PRUNE2: variants seen among roughly 807,000 people sequenced by gnomAD.
The protein encoded by PRUNE2 is prune homolog 2 with BCH domain, also known as protein prune homolog 2.
In PRUNE2, 164 loss-of-function variants were observed where a neutral mutation model predicts 252.0. The observed-to-expected ratio is 0.65, with a 90% CI of 0.57 to 0.74. PRUNE2 has a LOEUF of 0.74. Among genes scored for constraint, PRUNE2 ranks in the 30% least tolerant of loss-of-function variants. The pLI, the probability that PRUNE2 is intolerant of heterozygous loss-of-function variation, is 0.00. For missense variants in PRUNE2, 3,495 were observed against 3,711.0 expected, an observed-to-expected ratio of 0.94 and a Z score of 1.51; for synonymous variants, 1,292 against 1,350.2, an observed-to-expected ratio of 0.96 and a Z score of 0.94.
chr9:76,633,677 G>A (rs1003567251), intron 15 of PRUNE2, among the ~76,000 whole-genome samples: 9 of 152,224 alleles, frequency 5.9e-5, no homozygotes, highest in Admixed American at 5.9e-4. Flanking sequence ...TTGAGTAGCT[G>A]TAACTGAAAT....
At chr9:76,801,316 A>G (rs2056536978) in intron 6 of PRUNE2, among the ~76,000 whole-genome samples, 1 of 152,224 alleles carries the variant, frequency 6.6e-6, no homozygotes, top group Admixed American at 6.5e-5. Context: ...TTAGAAGAAT[A>G]TATTTATACC....
intron 1 of PRUNE2, among the ~76,000 whole-genome samples, chr9:76,901,268 G>C (rs1455182051): frequency 6.6e-6 from 1 of 152,200 alleles, no homozygotes; most frequent in Non-Finnish European, 1.5e-5. Context: ...CCCTAAGCAA[G>C]GGGTATCACA....
chr9:76,790,766 G>C (rs1323252529), intron 6 of PRUNE2, among the ~76,000 whole-genome samples: 1 of 152,166 alleles, frequency 6.6e-6, no homozygotes, highest in Non-Finnish European at 1.5e-5. Flanking sequence ...ATATCAGATT[G>C]AGACACACAA....
intron 9 of PRUNE2, among the ~76,000 whole-genome samples, chr9:76,663,100 C>T (rs2039433861): frequency 1.3e-5 from 2 of 152,190 alleles, no homozygotes; most frequent in South Asian, 4.1e-4. Context: ...CCACAGAGTA[C>T]TTATCAAATT....
At chr9:76,897,246 A>G (rs2133637145) in intron 1 of PRUNE2, among the ~76,000 whole-genome samples, 1 of 152,236 alleles carries the variant, frequency 6.6e-6, no homozygotes, top group African/African-American at 2.4e-5. Context: ...TTCACTTTTA[A>G]TTTAACAAGA....
rs991757211 is a variant in PRUNE2 at position 76,865,611 on chromosome 9, T to A, written c.37-11403A>T. On this transcript the variant is annotated intron_variant, in intron 1 of 18. Coordinates refer to ENST00000376718, the MANE Select transcript of PRUNE2 (RefSeq NM_015225.3). ...TCAGTGAAAATGATAATATCGGATA[T>A]AATAGTTGGGCAGAAGATAATTTTT... Among the ~76,000 whole-genome samples, 19 of 152,290 alleles carry A rather than the reference T, an allele frequency of 1.2e-4. No individual in the cohort carries two copies. In the East Asian group the frequency reaches 3.7e-3, roughly 29 times the overall value.
At chr9:76,674,305 A>G (rs934822942) in intron 9 of PRUNE2, among the ~76,000 whole-genome samples, 6 of 152,234 alleles carry the variant, frequency 3.9e-5, no homozygotes, top group African/African-American at 1.4e-4. Context: ...CCCATTCGCA[A>G]TTGCTTCAAA....
intron 1 of PRUNE2, among the ~76,000 whole-genome samples, chr9:76,861,165 G>C (rs1163052620): frequency 6.6e-6 from 1 of 152,190 alleles, no homozygotes; most frequent in Non-Finnish European, 1.5e-5. Context: ...GAGATGTCCA[G>C]AGGCGAGGCA....
chr9:76,629,267 T>G lies in PRUNE2; in HGVS notation c.9074A>C (p.Lys3025Thr). The G allele has an allele frequency of 6.3e-7, 1 of 1,582,576 alleles. No homozygotes were observed. Among genetic ancestry groups the G allele is most frequent in the Non-Finnish European group, 8.6e-7 (1 of 1,163,890 alleles). Residue 3025 changes from lysine (K) to threonine (T), a missense_variant, in exon 16 of 19, where the codon AAA (lysine) becomes ACA (threonine). Transcript: ENST00000376718. ...FISSKFSSKIKYVNSLSELSG... is the reference protein window; with the variant it reads ...FISSKFSSKITYVNSLSELSG... ...GAGTTCTGATAAGCTATTGACATAT[T>G]TAATTTTACTGCTGAATTTTGAACT...
rs754099748 is a variant in PRUNE2, at chr9:76,709,529, C to T, written c.2745G>A (p.Lys915=). 2 of 1,614,022 alleles carry T rather than the reference C, an allele frequency of 1.2e-6. No individual in the cohort carries two copies. Among genetic ancestry groups the T allele is most frequent in the South Asian group, 2.2e-5 (2 of 91,086 alleles). Residue 915 remains lysine, a synonymous_variant, in exon 8 of 19, where the codon AAG becomes AAA. Coordinates refer to ENST00000376718, the MANE Select transcript of PRUNE2 (RefSeq NM_015225.3). ...CCTCAAAAAGGTTCCAGGAATCTAC[C>T]TTTTCATATACCTTGCCCCTAGTTT... The part of the protein sequence containing the change: ...DPKTRGKVYE[K]VDSWNLFEEN...
intron 6 of PRUNE2, among the ~76,000 whole-genome samples, chr9:76,727,732 T>TTTTG (rs869035768): frequency 6.8e-6 from 1 of 146,032 alleles, no homozygotes; most frequent in African/African-American, 2.5e-5. Context: ...TTTTTTTTTT[T>TTTTG]GAAACAGGGT....
chr9:76,776,887 AACACATACACACACACACACACACAC>A (rs2053836052), intron 6 of PRUNE2, among the ~76,000 whole-genome samples: 1 of 96,508 alleles, frequency 1.0e-5, no homozygotes, highest in African/African-American at 3.5e-5. Flanking sequence ...TCATTACCAA[AACACATACACACACACACACACACAC>A]ACACACACAC....
intron 9 of PRUNE2, among the ~76,000 whole-genome samples, chr9:76,684,628 C>T (rs989901596): frequency 2.0e-5 from 3 of 152,224 alleles, no homozygotes; most frequent in Non-Finnish European, 4.4e-5. Flanking sequence ...CAGGTCCCTT[C>T]ATACTCATTG....
intron 4 of PRUNE2, among the ~76,000 whole-genome samples, chr9:76,846,012 G>A (rs2059652525): frequency 6.6e-6 from 1 of 152,192 alleles, no homozygotes; most frequent in Admixed American, 6.5e-5. Flanking sequence ...GACAGAATAT[G>A]TTACAAGACA....
intron 6 of PRUNE2, chr9:76,740,104 A>G (rs558654551): frequency 1.4e-4 from 21 of 151,764 alleles, no homozygotes; most frequent in African/African-American, 5.1e-4. Flanking sequence ...TCCAGTGCTC[A>G]GTGAAAAAGA....
intron 4 of PRUNE2, among the ~76,000 whole-genome samples, chr9:76,828,818 C>T (rs1387019226): frequency 6.6e-6 from 1 of 151,986 alleles, no homozygotes; most frequent in Non-Finnish European, 1.5e-5. Context: ...GAGTTTAAGA[C>T]CAGCCTGCCC....
intron 6 of PRUNE2, among the ~76,000 whole-genome samples, chr9:76,717,178 C>A (rs1345903823): frequency 1.3e-5 from 2 of 152,224 alleles, no homozygotes; most frequent in Admixed American, 6.5e-5. Context: ...AAAACAGATT[C>A]TCATCAGCTC....
At position 76,707,230 on chromosome 9, in the gene PRUNE2, A is replaced by C; in HGVS notation, c.5044T>G (p.Ser1682Ala). Reference protein sequence around the residue: ...TVQPEDARVISTSSGSDDDSV... With the variant: ...TVQPEDARVIATSSGSDDDSV... ...TCATCATCAGAACCTGAGCTTGTTG[A>C]AATGACCCTGGCATCCTCTGGCTGC... The change falls in exon 8 of 19, where the codon TCA becomes GCA. Residue 1682 changes from serine to alanine, a missense_variant. Coordinates refer to ENST00000376718, the MANE Select transcript of PRUNE2 (RefSeq NM_015225.3). 6.2e-7 allele frequency: 1 copy of C among 1,613,950 alleles called. No homozygotes were observed. The highest frequency in any genetic ancestry group is 1.7e-5 in the Admixed American group (1 of 60,016).
At chr9:76,665,536 A>G (rs1377255971) in intron 9 of PRUNE2, among the ~76,000 whole-genome samples, 1 of 150,680 alleles carries the variant, frequency 6.6e-6, no homozygotes, top group Non-Finnish European at 1.5e-5. Context: ...GTCTGCCCCC[A>G]CTCCTCCCCA....
Sources: gnomAD v4.1 joint callset for allele counts (sites outside exome capture counted in the v4.1 genomes callset) on GRCh38, gnomAD v4.1.1 for gene constraint, MANE v1.5 for transcripts, NCBI Gene and HGNC (gene_info 2026-07-23, HGNC 2026-07-21) for gene names.